TMEM120A: variants seen among roughly 807,000 people sequenced by gnomAD.
TMEM120A encodes the protein ion channel TACAN.
In TMEM120A, 45 loss-of-function variants were observed where a neutral mutation model predicts 54.3. The observed-to-expected ratio is 0.83, with a 90% CI of 0.65 to 1.06. The LOEUF (loss-of-function observed/expected upper bound fraction) is 1.06. Ranked by LOEUF, TMEM120A falls within the 50% of genes least tolerant of loss-of-function variation. The probability of loss-of-function intolerance (pLI) is 0.00; values close to 1 mark genes in which losing one functional copy is unlikely to be tolerated. For missense variants in TMEM120A, 424 were observed against 441.7 expected, an observed-to-expected ratio of 0.96 and a Z score of 0.36; for synonymous variants, 204 against 178.5, an observed-to-expected ratio of 1.14 and a Z score of -1.14.
chr7:75,989,455 T>C (rs550243423), intron 3 of TMEM120A, among the ~76,000 whole-genome samples: 3 of 149,110 alleles, frequency 2.0e-5, no homozygotes, highest in African/African-American at 7.5e-5. Context: ...GGAAACAGTG[T>C]TCCCCCCCAT....
Position 75,987,089 on chromosome 7 carries a change from C to G in TMEM120A, c.*83G>C, listed in dbSNP as rs781886201. The G allele has an allele frequency of 8.6e-7, 1 of 1,162,420 alleles. No individual in the cohort carries two copies. The highest frequency in any genetic ancestry group is 1.3e-5 in the South Asian group (1 of 75,782). The allele number at this position is 1,162,420 out of a possible 1,614,324, so 72.0% of individuals were successfully genotyped here. A position where few individuals can be genotyped will look rare whatever the true frequency, so the allele number is the denominator to read the frequency against. On this transcript the variant is annotated 3_prime_UTR_variant, in exon 12 of 12. Transcript: ENST00000493111. ...AGAATAGAAGAGACCCCCTGATACA[C>G]GCACACTCGAGGGGCGCCTCCCATC... is the stretch of plus-strand genomic sequence containing the variant.
rs1230728714 is a variant in TMEM120A, at chr7:75,987,782, G to A, written c.720C>T (p.Tyr240=). 1 of 1,612,130 alleles carries A rather than the reference G, an allele frequency of 6.2e-7. No individual in the cohort carries two copies. The highest frequency in any genetic ancestry group is 8.5e-7 in the Non-Finnish European group (1 of 1,179,778). Residue 240 remains tyrosine (Y), a synonymous_variant, in exon 9 of 12, where the codon TAC becomes TAT. Transcript: ENST00000493111. Reference sequence around the variant, plus strand: ...GCAGGCGGTAGAGGCAGCCGCTCTGGTAGTAGTACTGGAGAAACTGCACGA... The same window carrying A: ...GCAGGCGGTAGAGGCAGCCGCTCTGATAGTAGTACTGGAGAAACTGCACGA... ...QSFVQFLQYY[Y]QSGCLYRLRA...
At chr7:75,990,897 C>CAAAAAA in intron 3 of TMEM120A, among the ~76,000 whole-genome samples, 1 of 45,580 alleles carries the variant, frequency 2.2e-5, no homozygotes, top group Non-Finnish European at 4.9e-5. Flanking sequence ...GACTCTGTCT[C>CAAAAAA]AAAAAAAAAA....
At position 75,986,897 on chromosome 7, in the gene TMEM120A, C is replaced by A; in HGVS notation, c.*275G>T. The A allele has an allele frequency of 1.7e-6, 1 of 584,854 alleles. No individual in the cohort carries two copies. The highest frequency in any genetic ancestry group is 3.0e-6 in the Non-Finnish European group (1 of 331,246). 36.2% of individuals were successfully genotyped at this position (584,854 alleles called of 1,614,324 possible). On this transcript the variant is annotated 3_prime_UTR_variant, in exon 12 of 12. Transcript: ENST00000493111. ...TGAGTAGATCTGGGACCTCCACCTG[C>A]ATCAACTTAACTAACTCAGACCCCA...
At chr7:75,994,307 C>A (rs1377203183) in intron 1 of TMEM120A, among the ~76,000 whole-genome samples, 183 bp downstream of exon 1, 2 of 152,092 alleles carry the variant, frequency 1.3e-5, no homozygotes, top group African/African-American at 4.8e-5. Flanking sequence ...CCGGGGTTCC[C>A]GGACACTGGA....
At chr7:75,990,386 G>A (rs574517641) in intron 3 of TMEM120A, among the ~76,000 whole-genome samples, 6 of 152,070 alleles carry the variant, frequency 3.9e-5, no homozygotes, top group Non-Finnish European at 7.4e-5. Context: ...AGCCCTTCTC[G>A]CTCTCCCCAG....
At position 75,988,117 on chromosome 7, in the gene TMEM120A, C is replaced by T. The variant is rs199749808; in HGVS notation, c.595G>A (p.Val199Met). Residue 199 changes from valine (V) to methionine (M), a missense_variant, in exon 7 of 12, where the codon GTG becomes ATG. Val to Met is a conservative substitution (Grantham distance 21). Transcript: ENST00000493111. ...ATGACTCCCGACAGGAAGGTGGACA[C>T]GTAGTGATGGAACACCCACCAGCCT... Reference protein sequence around the residue: ...IKGWWVFHHYVSTFLSGVMLT... With the variant: ...IKGWWVFHHYMSTFLSGVMLT... 2,448 of 1,609,918 alleles carry T rather than the reference C, an allele frequency of 1.5e-3. 4 individuals are homozygous for T. Among genetic ancestry groups the T allele is most frequent in the Non-Finnish European group, 1.9e-3 (2,207 of 1,178,716 alleles).
In TMEM120A at chr7:75,987,026, C is replaced by T. The variant is rs782005929; in HGVS notation, c.*146G>A. The stretch of plus-strand genomic sequence containing the variant: ...TTTATTGAGGGCACTGGGCCCAGGT[C>T]TTCCTTCAGGGCCCACAGCGCCCAT... On this transcript the variant is annotated 3_prime_UTR_variant, in exon 12 of 12. Transcript: ENST00000493111. 3 of 695,440 alleles carry T rather than the reference C, an allele frequency of 4.3e-6. No individual in the cohort carries two copies. The highest frequency in any genetic ancestry group is 2.7e-5 in the East Asian group (1 of 36,932). The allele number at this position is 695,440 out of a possible 1,614,324, so 43.1% of individuals were successfully genotyped here.
In TMEM120A at chr7:75,986,926, A is replaced by C. The variant is rs1789515026; in HGVS notation, c.*246T>G. The C allele has an allele frequency of 5.0e-6, 3 of 594,846 alleles. No individual in the cohort carries two copies. Among genetic ancestry groups the C allele is most frequent in the Non-Finnish European group, 6.0e-6 (2 of 335,512 alleles). The allele number at this position is 594,846 out of a possible 1,614,324, so 36.8% of individuals were successfully genotyped here. On this transcript the variant is annotated 3_prime_UTR_variant, in exon 12 of 12. Transcript: ENST00000493111. ...AACTTAACTAACTCAGACCCCAGGA[A>C]CCCATGTGGTGGGGCCACCCAGCCC...
chr7:75,989,789 G>A (rs1030894351), intron 3 of TMEM120A, among the ~76,000 whole-genome samples: 8 of 151,448 alleles, frequency 5.3e-5, no homozygotes, highest in Non-Finnish European at 8.8e-5. Context: ...AGGCCCCCAC[G>A]CTCTCCAGTC....
intron 3 of TMEM120A, among the ~76,000 whole-genome samples, chr7:75,990,109 G>A (rs1348432165): frequency 2.6e-5 from 4 of 152,158 alleles, no homozygotes; most frequent in African/African-American, 9.7e-5. Context: ...TCCCGGCACA[G>A]TGCTCCCCAA....
Position 75,988,520 on chromosome 7 carries a change from G to C in TMEM120A, c.378-4C>G. The C allele has an allele frequency of 6.2e-7, 1 of 1,602,328 alleles. No individual in the cohort carries two copies. The highest frequency in any genetic ancestry group is 8.5e-7 in the Non-Finnish European group (1 of 1,176,586). ...ATACTCGTCCTTGTAGGCAAACCTGGGGGGCGCAGGCCGGTGAGACGGGTG... is the reference window on the plus strand; with the variant it reads ...ATACTCGTCCTTGTAGGCAAACCTGCGGGGCGCAGGCCGGTGAGACGGGTG... On this transcript the variant is annotated splice_polypyrimidine_tract_variant and splice_region_variant and intron_variant, in intron 4 of 11. Transcript: ENST00000493111.
intron 3 of TMEM120A, among the ~76,000 whole-genome samples, chr7:75,991,264 C>G (rs1789835777): frequency 6.6e-6 from 1 of 152,156 alleles, no homozygotes; most frequent in African/African-American, 2.4e-5. Flanking sequence ...AAGGCAAGAG[C>G]TGCAGCCCAG....
At chr7:75,991,510 A>G (rs1190992930) in intron 3 of TMEM120A, among the ~76,000 whole-genome samples, 1 of 152,004 alleles carries the variant, frequency 6.6e-6, no homozygotes, top group African/African-American at 2.4e-5. Flanking sequence ...GGTTCAAGTG[A>G]TTCTCCTGTC....
At chr7:75,990,547 C>T (rs1304396874) in intron 3 of TMEM120A, among the ~76,000 whole-genome samples, 1 of 152,054 alleles carries the variant, frequency 6.6e-6, no homozygotes, top group Non-Finnish European at 1.5e-5. Flanking sequence ...ATTTCCAGTT[C>T]CTAGTTGCTA....
intron 3 of TMEM120A, among the ~76,000 whole-genome samples, chr7:75,991,566 C>T (rs781886621): frequency 3.9e-5 from 6 of 152,116 alleles, no homozygotes; most frequent in Admixed American, 1.3e-4. Flanking sequence ...CCACAATGCC[C>T]GGCTAATTTT....
intron 3 of TMEM120A, 83 bp downstream of exon 3, chr7:75,992,061 T>A: frequency 1.0e-6 from 1 of 994,302 alleles, no homozygotes; most frequent in Non-Finnish European, 1.5e-6. Context: ...GAACATTTGC[T>A]GACTATAATG....
chr7:75,990,325 C>T (rs1789788800), intron 3 of TMEM120A, among the ~76,000 whole-genome samples: 1 of 152,120 alleles, frequency 6.6e-6, no homozygotes, highest in Admixed American at 6.5e-5. Flanking sequence ...GCCAGGAGCA[C>T]TGTGCCGGGA....
chr7:75,991,070 G>C (rs539566616), intron 3 of TMEM120A, among the ~76,000 whole-genome samples: 2 of 151,928 alleles, frequency 1.3e-5, no homozygotes, highest in Admixed American at 6.6e-5. Flanking sequence ...CCCAGGCTAC[G>C]GACACTCCTT....
Sources: gnomAD v4.1 joint callset for allele counts (sites outside exome capture counted in the v4.1 genomes callset) on GRCh38, gnomAD v4.1.1 for gene constraint, MANE v1.5 for transcripts, NCBI Gene and HGNC (gene_info 2026-07-23, HGNC 2026-07-21) for gene names.